Variants in MAPKAP1 observed in about 807,000 individuals in gnomAD.
MAPKAP1 encodes the protein target of rapamycin complex 2 subunit MAPKAP1.
MAPKAP1 carries 20 observed loss-of-function variants against 65.7 expected under a neutral mutation model. The observed-to-expected ratio is 0.30, with a 90% CI of 0.21 to 0.44. The LOEUF (loss-of-function observed/expected upper bound fraction) is 0.44. Among genes scored for constraint, MAPKAP1 ranks in the 20% least tolerant of loss-of-function variants. MAPKAP1 has a pLI of 1.00. For missense variants in MAPKAP1, 423 were observed against 648.0 expected (o/e 0.65, Z 3.77); for synonymous variants, 222 against 244.3 (o/e 0.91, Z 0.85).
intron 1 of MAPKAP1, among the ~76,000 whole-genome samples, chr9:125,697,354 T>C (rs539534200): frequency 6.6e-6 from 1 of 150,662 alleles, no homozygotes; most frequent in South Asian, 2.1e-4. Context: ...TTTTAAATAA[T>C]TTGTTTATCA....
At chr9:125,623,152 A>C (rs906419040) in intron 4 of MAPKAP1, among the ~76,000 whole-genome samples, 87 of 140,860 alleles carry the variant, frequency 6.2e-4, no homozygotes, top group African/African-American at 2.2e-3. Flanking sequence ...ACGACAACCT[A>C]CACCTCCCAG....
chr9:125,658,812 C>G (rs112544565), intron 3 of MAPKAP1, among the ~76,000 whole-genome samples: 2 of 152,262 alleles, frequency 1.3e-5, no homozygotes, highest in African/African-American at 4.8e-5. Context: ...GAAGAAATGT[C>G]CACACTTAAA....
intron 11 of MAPKAP1, among the ~76,000 whole-genome samples, chr9:125,443,176 GC>G (rs537687696): frequency 4.6e-5 from 7 of 152,324 alleles, no homozygotes; most frequent in Admixed American, 1.3e-4. Context: ...CGCTACTTCT[GC>G]TATTATGTGA....
intron 4 of MAPKAP1, among the ~76,000 whole-genome samples, chr9:125,630,919 C>T (rs1302477339): frequency 6.6e-6 from 1 of 152,020 alleles, no homozygotes; most frequent in Non-Finnish European, 1.5e-5. Flanking sequence ...AAGGGAGACG[C>T]CATCTCTACA....
intron 4 of MAPKAP1, among the ~76,000 whole-genome samples, chr9:125,607,052 A>G (rs1832458474): frequency 6.6e-6 from 1 of 152,216 alleles, no homozygotes; most frequent in African/African-American, 2.4e-5. Context: ...AACTGGAATA[A>G]TATTACATAC....
chr9:125,641,119 T>C (rs1372995548), intron 4 of MAPKAP1, among the ~76,000 whole-genome samples: 1 of 152,012 alleles, frequency 6.6e-6, no homozygotes, highest in African/African-American at 2.4e-5. Flanking sequence ...GTAGATTAGA[T>C]GCATGCTGCC....
At chr9:125,442,625 C>T (rs939582994) in intron 11 of MAPKAP1, among the ~76,000 whole-genome samples, 4 of 151,870 alleles carry the variant, frequency 2.6e-5, no homozygotes, top group Non-Finnish European at 5.9e-5. Flanking sequence ...GGGGCCCGTG[C>T]TGTCTGTGAT....
chr9:125,516,034 T>C (rs1258477684), intron 7 of MAPKAP1, among the ~76,000 whole-genome samples: 1 of 152,208 alleles, frequency 6.6e-6, no homozygotes. Flanking sequence ...AAAGCTACTG[T>C]AGCTAAAAAT....
At chr9:125,613,450 G>A (rs1468118861) in intron 4 of MAPKAP1, among the ~76,000 whole-genome samples, 1 of 152,186 alleles carries the variant, frequency 6.6e-6, no homozygotes, top group East Asian at 1.9e-4. Context: ...TTAGATGCAA[G>A]AATGTAAGAG....
intron 11 of MAPKAP1, among the ~76,000 whole-genome samples, chr9:125,440,634 C>A (rs932027613): frequency 6.6e-6 from 1 of 152,146 alleles, no homozygotes; most frequent in Non-Finnish European, 1.5e-5. Context: ...GCCGAGGCTT[C>A]AACACTGTCC....
chr9:125,697,753 A>G (rs1835428952), intron 1 of MAPKAP1, among the ~76,000 whole-genome samples: 1 of 152,228 alleles, frequency 6.6e-6, no homozygotes, highest in Non-Finnish European at 1.5e-5. Flanking sequence ...AAGCTTGTTA[A>G]TAAATACTGC....
In MAPKAP1 at chr9:125,706,441, G is replaced by A. The variant is rs1029542677; in HGVS notation, c.-70+530C>T. Among the ~76,000 whole-genome samples, 6 of 152,102 alleles carry A rather than the reference G, an allele frequency of 3.9e-5. No individual in the cohort carries two copies. The East Asian group carries it at 7.7e-4, about 20-fold the overall frequency. On this transcript the variant is annotated intron_variant, in intron 1 of 11. Coordinates refer to ENST00000265960, the MANE Select transcript of MAPKAP1 (RefSeq NM_001006617.3). ...GTCAATTTGGGGGTCTCTGGTTAAA[G>A]TCATAATCTTGTTTACGCTACAATC...
intron 6 of MAPKAP1, among the ~76,000 whole-genome samples, chr9:125,543,376 C>T (rs1830314368): frequency 6.6e-6 from 1 of 152,070 alleles, no homozygotes; most frequent in Non-Finnish European, 1.5e-5. Context: ...ACACCATTCT[C>T]CTGCCTCAGC....
intron 3 of MAPKAP1, among the ~76,000 whole-genome samples, chr9:125,660,817 G>A (rs1230290375): frequency 2.0e-5 from 3 of 152,136 alleles, no homozygotes; most frequent in Non-Finnish European, 4.4e-5. Context: ...TTCTGCCCTT[G>A]CCTCCTCACC....
chr9:125,513,725 T>G (rs1240692839), intron 7 of MAPKAP1, among the ~76,000 whole-genome samples: 1 of 152,152 alleles, frequency 6.6e-6, no homozygotes, highest in East Asian at 1.9e-4. Context: ...AAGGTTTAGG[T>G]AGATCCCTAG....
chr9:125,479,957 T>G (rs1854247631), intron 9 of MAPKAP1, among the ~76,000 whole-genome samples: 1 of 152,204 alleles, frequency 6.6e-6, no homozygotes, highest in Non-Finnish European at 1.5e-5. Context: ...CTGAAGCACC[T>G]GGCTAGTCAG....
intron 5 of MAPKAP1, among the ~76,000 whole-genome samples, chr9:125,580,800 C>T (rs547185347): frequency 6.6e-6 from 1 of 152,226 alleles, no homozygotes. Flanking sequence ...GTGTAATCAT[C>T]ACCAAGATAC....
At chr9:125,690,236 A>C (rs981631132) in intron 1 of MAPKAP1, among the ~76,000 whole-genome samples, 7 of 152,230 alleles carry the variant, frequency 4.6e-5, no homozygotes, top group Non-Finnish European at 8.8e-5. Flanking sequence ...AAAAAGAGAG[A>C]GAGCTGGCAA....
chr9:125,683,421 T>A (rs578103779), intron 1 of MAPKAP1, among the ~76,000 whole-genome samples: 1 of 152,352 alleles, frequency 6.6e-6, no homozygotes, highest in African/African-American at 2.4e-5. Context: ...AGAGCAATTC[T>A]AAGCCAGAGA....
Sources: allele counts gnomAD v4.1 joint callset (sites outside exome capture counted in the v4.1 genomes callset), GRCh38; gene constraint gnomAD v4.1.1; transcripts MANE v1.5; gene names NCBI Gene and HGNC (gene_info 2026-07-23, HGNC 2026-07-21).